Variants in CCDC93 observed in about 807,000 individuals in gnomAD.
CCDC93 encodes the protein coiled-coil domain-containing protein 93.
A neutral mutation model predicts 108.2 loss-of-function variants in CCDC93; 61 were observed. The observed-to-expected ratio is 0.56, with a 90% confidence interval of 0.46 to 0.70. CCDC93 has a LOEUF of 0.70. Ranked by LOEUF, CCDC93 falls within the 30% of genes least tolerant of loss-of-function variation. CCDC93 has a pLI of 0.00. For missense variants in CCDC93, 685 were observed against 764.2 expected (o/e 0.90, Z 1.22); for synonymous variants, 276 against 260.4 (o/e 1.06, Z -0.58).
At chr2:117,935,348 C>A in intron 22 of CCDC93, 147 bp downstream of exon 22, 1 of 626,028 alleles carries the variant, frequency 1.6e-6, no homozygotes, top group Non-Finnish European at 2.8e-6. Context: ...CAGAGTAAGA[C>A]GCATGGTGGG....
intron 14 of CCDC93, 110 bp from the exon 15 acceptor site, chr2:117,948,296 C>T (rs892439750): frequency 4.1e-6 from 3 of 723,448 alleles, no homozygotes; most frequent in Non-Finnish European, 7.1e-6. Context: ...AATTTCCTTT[C>T]TCAGCTCTAA....
chr2:117,924,439 G>A (rs947045765), intron 23 of CCDC93, among the ~76,000 whole-genome samples: 2 of 152,202 alleles, frequency 1.3e-5, no homozygotes, highest in Non-Finnish European at 2.9e-5. Flanking sequence ...CTTAAAGGAC[G>A]TGATGGAGCT....
At chr2:117,954,751 G>A (rs2104750247) in intron 12 of CCDC93, among the ~76,000 whole-genome samples, 1 of 152,262 alleles carries the variant, frequency 6.6e-6, no homozygotes, top group East Asian at 1.9e-4. Flanking sequence ...ATCTTGAATT[G>A]TGGTTCCCAT....
In CCDC93 at chr2:117,922,732, G is replaced by A. The variant is rs1169185726; in HGVS notation, c.1843-2336C>T. On this transcript the variant is annotated intron_variant, in intron 23 of 23. Transcript: ENST00000376300. ...GAACGCAGAAGTAGAGGGCCAGTGA[G>A]GGGATGGTGAGAAGGCAAAATAGAG... Among the ~76,000 whole-genome samples, 3 of 152,208 alleles carry A rather than the reference G, an allele frequency of 2.0e-5. No homozygotes were observed. The East Asian group carries it at 5.8e-4, about 29-fold the overall frequency.
At chr2:117,992,613 GCA>G (rs1157503741) in intron 6 of CCDC93, among the ~76,000 whole-genome samples, 2 of 152,068 alleles carry the variant, frequency 1.3e-5, no homozygotes, top group Non-Finnish European at 2.9e-5. Context: ...GCTCACAGCA[GCA>G]CAGTTACAAG....
chr2:118,010,635 C>T lies in CCDC93; in HGVS notation c.43-1977G>A, dbSNP rs549717613. Among the ~76,000 whole-genome samples, 6 of 152,316 alleles carry T rather than the reference C, an allele frequency of 3.9e-5. No homozygotes were observed. The South Asian group carries it at 1.2e-3, about 32-fold the overall frequency. ...TTGCTCATCCCTTCCTAAATCACAG[C>T]TTTCATGTTATCCCTCTTTAGCTCA... On this transcript the variant is annotated intron_variant, in intron 1 of 23. Transcript: ENST00000376300.
At chr2:117,958,743 ATATCAT>A (rs1436310431) in intron 11 of CCDC93, among the ~76,000 whole-genome samples, 1 of 152,246 alleles carries the variant, frequency 6.6e-6, no homozygotes, top group Non-Finnish European at 1.5e-5. Context: ...GGTTATGTCA[ATATCAT>A]ATAGGCAACA....
chr2:118,011,218 T>C (rs938431593), intron 1 of CCDC93, among the ~76,000 whole-genome samples: 16 of 150,876 alleles, frequency 1.1e-4, no homozygotes, highest in African/African-American at 3.9e-4. Flanking sequence ...AAAGTTTATT[T>C]TGATGTATAA....
At chr2:118,011,339 T>C (rs1677015748) in intron 1 of CCDC93, among the ~76,000 whole-genome samples, 2 of 152,212 alleles carry the variant, frequency 1.3e-5, no homozygotes. Context: ...GTGACAGCAC[T>C]GAGCTACATC....
chr2:117,952,439 T>G lies in CCDC93; in HGVS notation c.1006-4A>C, dbSNP rs117436218. 7.1e-4 allele frequency: 1,148 copies of G among 1,607,980 alleles called. 12 individuals are homozygous for G. The East Asian group carries it at 0.021, about 29-fold the overall frequency. ...GGCTGGTGTGACTTGCTCGCAGCTGTAAATGAAAGATAAAAGACATATGCT... is the reference window on the plus strand; with the variant it reads ...GGCTGGTGTGACTTGCTCGCAGCTGGAAATGAAAGATAAAAGACATATGCT... On this transcript the variant is annotated splice_polypyrimidine_tract_variant and splice_region_variant and intron_variant, in intron 12 of 23. Transcript: ENST00000376300.
Position 117,917,823 on chromosome 2 carries a change from T to C in CCDC93, c.*2520A>G, listed in dbSNP as rs1677733123. On this transcript the variant is annotated 3_prime_UTR_variant, in exon 24 of 24. Coordinates refer to ENST00000376300, the MANE Select transcript of CCDC93 (RefSeq NM_019044.5). ...CATGTACTCCATAAGAAGCAAGAAG[T>C]GGGAGGGAGCCCCCAACCCAGAGGC... 1 of 152,304 alleles carries C rather than the reference T, an allele frequency of 6.6e-6. No homozygotes were observed. Among genetic ancestry groups the C allele is most frequent in the South Asian group, 2.1e-4 (1 of 4,830 alleles). 9.4% of individuals were successfully genotyped at this position (152,304 alleles called of 1,614,324 possible). A position where few individuals can be genotyped will look rare whatever the true frequency, so the allele number is the denominator to read the frequency against.
chr2:117,936,492 C>T (rs1318170587), intron 21 of CCDC93: 1 of 511,720 alleles, frequency 2.0e-6, no homozygotes, highest in Non-Finnish European at 3.5e-6. Context: ...GTCAGCTCTT[C>T]CTTCACTCTA....
At chr2:117,959,291 G>T (rs889902) in intron 11 of CCDC93, among the ~76,000 whole-genome samples, 148,158 of 152,336 alleles carry the variant, frequency 0.97, 72,186 homozygotes, top group Middle Eastern at 1. Context: ...AAGGTAGACC[G>T]TTTTGCAATA....
chr2:117,936,803 C>T (rs55993432), intron 20 of CCDC93, 64 bp from the exon 21 acceptor site: 88,056 of 1,258,510 alleles, frequency 0.07, 3,602 homozygotes, highest in Non-Finnish European at 0.082. Context: ...ACTACTGCAA[C>T]TGCTGCAAGC....
At position 117,921,511 on chromosome 2, in the gene CCDC93, C is replaced by G. The variant is rs112829242; in HGVS notation, c.1843-1115G>C. The G allele has an allele frequency of 4.2e-3, 643 of 152,234 alleles. 6 individuals are homozygous for G. The highest frequency in any genetic ancestry group is 6.3e-3 in the Non-Finnish European group (430 of 68,038). 9.4% of individuals were successfully genotyped at this position (152,234 alleles called of 1,614,324 possible). The stretch of plus-strand genomic sequence containing the variant: ...TTAAATTGGGAGATAAAAGTGGTAG[C>G]AGAAAGGGCCCGGAGAGGTAGAGCT... On this transcript the variant is annotated intron_variant, in intron 23 of 23. Coordinates refer to ENST00000376300, the MANE Select transcript of CCDC93 (RefSeq NM_019044.5).
intron 1 of CCDC93, among the ~76,000 whole-genome samples, chr2:118,009,318 C>G (rs1676961525): frequency 6.6e-6 from 1 of 151,914 alleles, no homozygotes; most frequent in Admixed American, 6.6e-5. Context: ...TTGCAGTGAG[C>G]CAAGATCGTA....
At chr2:117,994,029 G>A (rs1170777727) in intron 6 of CCDC93, among the ~76,000 whole-genome samples, 1 of 152,230 alleles carries the variant, frequency 6.6e-6, no homozygotes, top group East Asian at 1.9e-4. Flanking sequence ...ACTGTGCCAA[G>A]CCAGCAGGAA....
intron 11 of CCDC93, among the ~76,000 whole-genome samples, chr2:117,972,051 G>A (rs1210249123): frequency 6.6e-6 from 1 of 152,182 alleles, no homozygotes; most frequent in Non-Finnish European, 1.5e-5. Context: ...ATACTCTGCA[G>A]TCGGCTGTAC....
chr2:117,925,551 C>G (rs1354246239), intron 23 of CCDC93, among the ~76,000 whole-genome samples: 6 of 152,180 alleles, frequency 3.9e-5, no homozygotes, highest in Non-Finnish European at 7.3e-5. Context: ...GTAAAGGGAT[C>G]AATTCAACAA....
Sources: allele counts gnomAD v4.1 joint callset (sites outside exome capture counted in the v4.1 genomes callset), GRCh38; gene constraint gnomAD v4.1.1; transcripts MANE v1.5; gene names NCBI Gene and HGNC (gene_info 2026-07-23, HGNC 2026-07-21).